The following CUBN variants were observed in gnomAD, a reference collection of about 807,000 sequenced individuals.
CUBN encodes cubilin, also known as 460 kDa receptor.
Under a neutral mutation model 405.3 loss-of-function variants are expected in CUBN, and 282 were observed. That is an observed-to-expected ratio of 0.70 (90% CI 0.63 to 0.77). The LOEUF (loss-of-function observed/expected upper bound fraction) is 0.77, where lower values mean the gene tolerates loss of function less well. Among genes scored for constraint, CUBN ranks in the 30% least tolerant of loss-of-function variants. The pLI, the probability that CUBN is intolerant of heterozygous loss-of-function variation, is 0.00. For synonymous variants in CUBN, 1,684 were observed against 1,617.0 expected (o/e 1.04, Z -0.99); for missense variants, 4,514 against 4,475.2 (o/e 1.01, Z -0.25).
At chr10:16,837,999 T>A (rs968865664) in intron 62 of CUBN, among the ~76,000 whole-genome samples, 26 of 152,098 alleles carry the variant, frequency 1.7e-4, no homozygotes, top group African/African-American at 6.3e-4. Context: ...TTGAGAGAGC[T>A]TTCACCCAAA....
At chr10:17,106,332 C>T (rs1836629096) in intron 10 of CUBN, among the ~76,000 whole-genome samples, 1 of 148,022 alleles carries the variant, frequency 6.8e-6, no homozygotes, top group Non-Finnish European at 1.5e-5. Flanking sequence ...AATAAAGAGC[C>T]CTATGGAATC....
intron 14 of CUBN, among the ~76,000 whole-genome samples, chr10:17,092,753 A>T (rs1177984167): frequency 6.6e-6 from 1 of 152,144 alleles, no homozygotes. Context: ...CCCACCTCTT[A>T]CCCAGAAAAC....
chr10:17,045,520 C>T (rs1356552430), intron 24 of CUBN, among the ~76,000 whole-genome samples: 3 of 151,764 alleles, frequency 2.0e-5, no homozygotes, highest in Non-Finnish European at 2.9e-5. Flanking sequence ...CCACCACGTC[C>T]AGCTAATTTT....
At position 17,103,148 on chromosome 10, in the gene CUBN, C is replaced by G; in HGVS notation, c.1507G>C (p.Val503Leu). 1 of 1,612,940 alleles carries G rather than the reference C, an allele frequency of 6.2e-7. No individual in the cohort carries two copies. Among genetic ancestry groups the G allele is most frequent in the Non-Finnish European group, 8.5e-7 (1 of 1,179,094 alleles). ...GYVHDVNCFW[V>L]IKTEMGKVLR... ...ACCTTTCCCATTTCAGTTTTGATAA[C>G]CCAGAAGCAGTTAACATCATGAACA... Residue 503 changes from valine to leucine, a missense_variant, in exon 13 of 67, where the codon GTT (valine) becomes CTT (leucine). Physicochemically the swap from Val to Leu is conservative, Grantham distance 32 (BLOSUM62 1). This residue lies in a region of CUBN where 1,448 missense variants were observed against 1,388.0 expected (regional missense o/e 1.04). Transcript: ENST00000377833.
intron 27 of CUBN, among the ~76,000 whole-genome samples, chr10:17,022,864 G>A (rs1044702932): frequency 2.0e-5 from 3 of 152,168 alleles, no homozygotes; most frequent in African/African-American, 4.8e-5. Flanking sequence ...TTTCATTTCT[G>A]TCAGGCCTCT....
intron 51 of CUBN, 47 bp from the exon 52 acceptor site, chr10:16,901,506 A>G: frequency 6.2e-7 from 1 of 1,611,128 alleles, no homozygotes; most frequent in Non-Finnish European, 8.5e-7. Flanking sequence ...AGTAAAAAAA[A>G]GAACCGATAA....
rs190316468 is a variant in CUBN at position 17,053,283 on chromosome 10, C to A, written c.3140-5680G>T. Among the ~76,000 whole-genome samples the A allele has an allele frequency of 1.2e-3, 185 of 151,888 alleles. 2 individuals are homozygous for A. Among genetic ancestry groups the A allele is most frequent in the African/African-American group, 4.1e-3 (172 of 41,478 alleles). ...TACTTCAACTAAAACACAGAAAAAG[C>A]AGGACCCAATTATATGTTTTTTACT... On this transcript the variant is annotated intron_variant, in intron 22 of 66. Coordinates refer to ENST00000377833, the MANE Select transcript of CUBN (RefSeq NM_001081.4).
intron 39 of CUBN, among the ~76,000 whole-genome samples, chr10:16,936,987 G>A (rs1842526343): frequency 6.6e-6 from 1 of 152,112 alleles, no homozygotes; most frequent in Admixed American, 6.6e-5. Context: ...AAAATGCTGG[G>A]ATTACAGGCA....
chr10:17,111,902 C>T lies in CUBN; in HGVS notation c.884-852G>A, dbSNP rs181458185. Among the ~76,000 whole-genome samples, 35 of 152,248 alleles carry T rather than the reference C, an allele frequency of 2.3e-4. 1 individual carries two copies. The highest frequency in any genetic ancestry group is 3.4e-3 in the Middle Eastern group (1 of 294). The stretch of plus-strand genomic sequence containing the variant: ...TTGCACCACTGCACTCCAGCCTGGG[C>T]GAGACTTTGTCTCAAAAACAAAAAC... On this transcript the variant is annotated intron_variant, in intron 8 of 66. Transcript: ENST00000377833.
chr10:16,998,730 T>C (rs1181497101), intron 28 of CUBN, among the ~76,000 whole-genome samples: 4 of 152,214 alleles, frequency 2.6e-5, no homozygotes, highest in African/African-American at 9.7e-5. Flanking sequence ...TACTTCCTAT[T>C]TGTCATCTTG....
At chr10:16,967,935 G>C (rs1843447485) in intron 31 of CUBN, among the ~76,000 whole-genome samples, 1 of 148,604 alleles carries the variant, frequency 6.7e-6, no homozygotes, top group Admixed American at 6.8e-5. Context: ...GGGAGAGAGA[G>C]CAAGAGGAAG....
chr10:16,933,190 C>G lies in CUBN; in HGVS notation c.6021G>C (p.Thr2007=). Residue 2007 remains threonine, a synonymous_variant, in exon 40 of 67, where the codon ACG becomes ACC. Transcript: ENST00000377833. ...PDSYSNRVDC[T]WLIQAPDSTV... The stretch of plus-strand genomic sequence containing the variant: ...TAGAGTCGGGAGCCTGGATGAGCCA[C>G]GTACAGTCCACTCTATTACTGTAAC... 1 of 1,614,046 alleles carries G rather than the reference C, an allele frequency of 6.2e-7. No homozygotes were observed. The highest frequency in any genetic ancestry group is 8.5e-7 in the Non-Finnish European group (1 of 1,179,984).
rs139744584 is a variant in CUBN, at chr10:17,043,796, A to T, written c.3829+31T>A. 3.8e-6 allele frequency: 6 copies of T among 1,584,298 alleles called. No individual in the cohort carries two copies. Among genetic ancestry groups the T allele is most frequent in the Non-Finnish European group, 5.2e-6 (6 of 1,159,094 alleles). Reference sequence around the variant, plus strand: ...GTATTCACACTTACTCTGCCAGTATACACACTTACTCTGCCGGTATTCACA... The same window carrying T: ...GTATTCACACTTACTCTGCCAGTATTCACACTTACTCTGCCGGTATTCACA... On this transcript the variant is annotated intron_variant, in intron 26 of 66. Coordinates refer to ENST00000377833, the MANE Select transcript of CUBN (RefSeq NM_001081.4).
intron 28 of CUBN, among the ~76,000 whole-genome samples, chr10:17,005,267 C>T (rs1833985983): frequency 6.6e-6 from 1 of 152,150 alleles, no homozygotes; most frequent in African/African-American, 2.4e-5. Flanking sequence ...TGTTCATTAT[C>T]AGCCCCCTAA....
intron 16 of CUBN, among the ~76,000 whole-genome samples, chr10:17,084,695 A>C (rs542801202): frequency 3.3e-5 from 5 of 152,344 alleles, no homozygotes; most frequent in Non-Finnish European, 7.4e-5. Flanking sequence ...TCTAGCTTCC[A>C]ATCTGCCATT....
rs764107530 is a variant in CUBN, at chr10:17,068,241, T to A, written c.2831A>T (p.Gln944Leu). ...GTAGACATTTGGATGGCCAGGACTTTGAATGGTCCCTGTTGATTCTGTAAG... is the reference window on the plus strand; with the variant it reads ...GTAGACATTTGGATGGCCAGGACTTAGAATGGTCCCTGTTGATTCTGTAAG... The part of the protein sequence containing the change: ...EILTESTGTI[Q>L]SPGHPNVYPH... The change falls in exon 21 of 67, where the codon CAA (glutamine) becomes CTA (leucine). Residue 944 changes from glutamine to leucine, a missense_variant. By Grantham distance (113) the Gln-to-Leu change is moderately radical. Around this residue, in one of 5 missense-constraint regions of CUBN, gnomAD observed 1,448 missense variants for 1,388.0 expected, o/e 1.04. Coordinates refer to ENST00000377833, the MANE Select transcript of CUBN (RefSeq NM_001081.4). 2.3e-5 allele frequency: 37 copies of A among 1,613,616 alleles called. No individual in the cohort carries two copies. The highest frequency in any genetic ancestry group is 3.0e-5 in the Non-Finnish European group (35 of 1,179,690).
intron 31 of CUBN, among the ~76,000 whole-genome samples, chr10:16,977,009 T>C (rs1036546062): frequency 2.0e-5 from 3 of 152,216 alleles, no homozygotes; most frequent in Admixed American, 6.5e-5. Context: ...GTAATCACAG[T>C]TGTATAGCAA....
intron 31 of CUBN, among the ~76,000 whole-genome samples, chr10:16,978,198 A>C (rs750311180): frequency 5.9e-5 from 9 of 152,206 alleles, no homozygotes; most frequent in Non-Finnish European, 1.2e-4. Context: ...CTCTGGACTC[A>C]AACTTTGGTC....
At chr10:16,841,315 T>C (rs183371437) in intron 60 of CUBN, among the ~76,000 whole-genome samples, 1 of 152,324 alleles carries the variant, frequency 6.6e-6, no homozygotes, top group African/African-American at 2.4e-5. Flanking sequence ...GCTCACCCAC[T>C]GCTACTTTAA....
Sources: allele counts gnomAD v4.1 joint callset (sites outside exome capture counted in the v4.1 genomes callset), GRCh38; gene constraint gnomAD v4.1.1; regional missense constraint gnomAD v4.1.1; transcripts MANE v1.5; gene names NCBI Gene and HGNC (gene_info 2026-07-23, HGNC 2026-07-21).